The following PIH1D1 variants were observed in gnomAD, a reference collection of about 807,000 sequenced individuals.
PIH1D1 encodes the protein PIH1 domain containing 1.
A neutral mutation model predicts 38.5 loss-of-function variants in PIH1D1; 28 were observed. That is an observed-to-expected ratio of 0.73 (90% CI 0.54 to 1.00). The LOEUF (loss-of-function observed/expected upper bound fraction) is 1.00, where lower values mean the gene tolerates loss of function less well. Among genes scored for constraint, PIH1D1 ranks in the 50% least tolerant of loss-of-function variants. The pLI, the probability that PIH1D1 is intolerant of heterozygous loss-of-function variation, is 0.00. For synonymous variants in PIH1D1, 155 were observed against 153.5 expected (o/e 1.01, Z -0.07); for missense variants, 343 against 369.9 (o/e 0.93, Z 0.60).
Position 49,447,354 on chromosome 19 carries a change from C to CG in PIH1D1, c.594dup (p.Gly199ArgfsTer4). 6.2e-7 allele frequency: 1 copy of CG among 1,613,860 alleles called. No homozygotes were observed. Among genetic ancestry groups the CG allele is most frequent in the Non-Finnish European group, 8.5e-7 (1 of 1,179,964 alleles). On this transcript the variant is annotated frameshift_variant, in exon 6 of 9. Coordinates refer to ENST00000262265, the MANE Select transcript of PIH1D1 (RefSeq NM_017916.3). LOFTEE classifies it high-confidence loss of function. ...AAGGCCCACCCTGACTCAGCTCTCC[C>CG]GGGGGCGGGCGTGTACAGGTCCCCC...
chr19:49,450,682 A>ACCCCCCCCC, intron 2 of PIH1D1, 100 bp downstream of exon 2: 3 of 166,138 alleles, frequency 1.8e-5, no homozygotes, highest in South Asian at 7.6e-5. Context: ...TGCTCACCCC[A>ACCCCCCCCC]CCCCCACCCT....
In PIH1D1 at chr19:49,446,390, G is replaced by A. The variant is rs550355806; in HGVS notation, c.865C>T (p.Pro289Ser). ...LMVAMPLLPV[P>S]S is the part of the protein sequence containing the mutation. ...ACAAGGAGACACCCTGATCAAGAAG[G>A]CACCGGCAGAAGCGGCATGGCCACC... The change falls in exon 9 of 9, where the codon CCT (proline) becomes TCT (serine). Residue 289 changes from proline to serine, a missense_variant. By Grantham distance (74) the Pro-to-Ser change is moderately conservative. Transcript: ENST00000262265. The A allele has an allele frequency of 6.0e-6, 5 of 830,008 alleles. No homozygotes were observed. The highest frequency in any genetic ancestry group is 8.6e-6 in the Non-Finnish European group (4 of 462,944). 51.4% of individuals were successfully genotyped at this position (830,008 alleles called of 1,614,324 possible). A position where few individuals can be genotyped will look rare whatever the true frequency, so the allele number is the denominator to read the frequency against.
Position 49,446,570 on chromosome 19 carries a change from G to A in PIH1D1, c.812C>T (p.Ala271Val), listed in dbSNP as rs761846784. The A allele has an allele frequency of 1.2e-5, 20 of 1,613,928 alleles. No homozygotes were observed. The highest frequency in any genetic ancestry group is 1.7e-5 in the Admixed American group (1 of 60,000). ...AGGCACCTTTCTCTTCCGGTGGAAG[G>A]CTGCCTTGCTCTCATGAGAGTTGAT... ...LQINSHESKA[A>V]FHRKRKQLMV... The change falls in exon 8 of 9, where the codon GCC becomes GTC. Residue 271 changes from alanine (A) to valine (V), a missense_variant. Ala to Val is a moderately conservative substitution (Grantham distance 64, BLOSUM62 0). Transcript: ENST00000262265.
Position 49,451,764 on chromosome 19 carries a change from A to G in PIH1D1, c.-190T>C. ...AACACCATCGTCAAATCCGTGGGGA[A>G]TATGTGTCTCTAGACGCACTACCCT... On this transcript the variant is annotated 5_prime_UTR_variant, in exon 1 of 9. Transcript: ENST00000262265. 15 of 1,409,482 alleles carry G rather than the reference A, an allele frequency of 1.1e-5. No individual in the cohort carries two copies. The highest frequency in any genetic ancestry group is 1.4e-5 in the Non-Finnish European group (15 of 1,081,080). 87.3% of individuals were successfully genotyped at this position (1,409,482 alleles called of 1,614,324 possible).
Position 49,451,722 on chromosome 19 carries a change from A to G in PIH1D1, c.-148T>C, listed in dbSNP as rs1280200222. ...AAACCTAAGACTGGCCTAAGACTAC[A>G]TTTCCATTCAAGACCGAACACCATC... On this transcript the variant is annotated 5_prime_UTR_variant, in exon 1 of 9. The change abolishes an upstream ATG in the 5' untranslated region. Transcript: ENST00000262265. 7.7e-6 allele frequency: 11 copies of G among 1,437,364 alleles called. No individual in the cohort carries two copies. Among genetic ancestry groups the G allele is most frequent in the Non-Finnish European group, 9.1e-6 (10 of 1,096,164 alleles). 89.0% of individuals were successfully genotyped at this position (1,437,364 alleles called of 1,614,324 possible).
intron 5 of PIH1D1, 179 bp downstream of exon 5, chr19:49,447,648 T>A: frequency 1.1e-6 from 1 of 920,042 alleles, no homozygotes; most frequent in South Asian, 1.5e-5. Context: ...TATGCCCCAA[T>A]AAAACCCACC....
In PIH1D1 at chr19:49,449,589, T is replaced by C. The variant is rs1282866163; in HGVS notation, c.223A>G (p.Ile75Val). The change falls in exon 3 of 9, where the codon ATC becomes GTC. Residue 75 changes from isoleucine (I) to valine (V), a missense_variant. Ile to Val is a conservative substitution (Grantham distance 29). Coordinates refer to ENST00000262265, the MANE Select transcript of PIH1D1 (RefSeq NM_017916.3). ...VFINICHSPS[I>V]PPPADVTEEE... ...TCGGTCACGTCGGCGGGAGGAGGGATAGAGGGGGAGTGGCAGATGTTGATG... is the reference window on the plus strand; with the variant it reads ...TCGGTCACGTCGGCGGGAGGAGGGACAGAGGGGGAGTGGCAGATGTTGATG... 1 of 1,613,950 alleles carries C rather than the reference T, an allele frequency of 6.2e-7. No homozygotes were observed. Among genetic ancestry groups the C allele is most frequent in the African/African-American group, 1.3e-5 (1 of 74,888 alleles).
Position 49,447,485 on chromosome 19 carries a change from C to G in PIH1D1, c.482-18G>C. ...GCGCCATTCTGAGGGTCAGGAGCGC[C>G]GTCAAACATCGTACAGGTCAGGGTT... On this transcript the variant is annotated intron_variant, in intron 5 of 8. Coordinates refer to ENST00000262265, the MANE Select transcript of PIH1D1 (RefSeq NM_017916.3). The G allele has an allele frequency of 9.3e-6, 15 of 1,604,762 alleles. No individual in the cohort carries two copies. The highest frequency in any genetic ancestry group is 1.3e-5 in the Non-Finnish European group (15 of 1,179,844).
rs770727315 is a variant in PIH1D1, at chr19:49,449,298, G to A, written c.337+177C>T. 8 of 729,160 alleles carry A rather than the reference G, an allele frequency of 1.1e-5. No homozygotes were observed. The South Asian group carries it at 1.2e-4, about 11-fold the overall frequency. 45.2% of individuals were successfully genotyped at this position (729,160 alleles called of 1,614,324 possible). On this transcript the variant is annotated intron_variant, in intron 3 of 8. Transcript: ENST00000262265. ...CCAGCCTGGCCAGGTGGCAGAACCA[G>A]GACTGCCCGGGTGTGGGATGTCCAG...
chr19:49,448,498 G>A (rs1205336777), intron 3 of PIH1D1: 1 of 234,422 alleles, frequency 4.3e-6, no homozygotes, highest in African/African-American at 2.3e-5. Context: ...TCCCAGCTCT[G>A]GGCCGCTCTA....
chr19:49,448,101 C>A, intron 3 of PIH1D1, 39 bp from the exon 4 acceptor site: 2 of 1,604,494 alleles, frequency 1.2e-6, no homozygotes, highest in Non-Finnish European at 8.5e-7. Flanking sequence ...CCCCAGCCCT[C>A]TGCAGGAAGC....
chr19:49,448,160 T>A, intron 3 of PIH1D1, 98 bp from the exon 4 acceptor site: 1 of 1,227,164 alleles, frequency 8.1e-7, no homozygotes, highest in Non-Finnish European at 1.2e-6. Context: ...ACAGCGGCCG[T>A]AAGAAGCAGA....
At chr19:49,450,681 C>G in intron 2 of PIH1D1, 101 bp downstream of exon 2, 1 of 456,122 alleles carries the variant, frequency 2.2e-6, no homozygotes, top group South Asian at 3.4e-5. Flanking sequence ...CTGCTCACCC[C>G]ACCCCCACCC....
At chr19:49,448,243 CTCT>C in intron 3 of PIH1D1, 181 bp from the exon 4 acceptor site, 1 of 622,932 alleles carries the variant, frequency 1.6e-6, no homozygotes, top group East Asian at 2.8e-5. Flanking sequence ...CCTCCCTGGC[CTCT>C]TATCTCCTGT....
rs751785950 is a variant in PIH1D1 at position 49,447,881 on chromosome 19, T to A, written c.427A>T (p.Ile143Phe). Residue 143 changes from isoleucine to phenylalanine, a missense_variant, in exon 5 of 9, where the codon ATC (isoleucine) becomes TTC (phenylalanine). Ile to Phe is a conservative substitution (Grantham distance 21). Transcript: ENST00000262265. ...QNSDFLRELV[I>F]TIAREGLEDK... ...TCAAGGCCCTCCCTGGCGATGGTGA[T>A]CACGAGCTCCCGCAAGAAATCGCTG... 2 of 1,614,132 alleles carry A rather than the reference T, an allele frequency of 1.2e-6. No individual in the cohort carries two copies. The highest frequency in any genetic ancestry group is 1.1e-5 in the South Asian group (1 of 91,090).
rs2079046420 is a variant in PIH1D1, at chr19:49,449,714, T to C, written c.158-60A>G. 3.5e-6 allele frequency: 5 copies of C among 1,410,200 alleles called. No individual in the cohort carries two copies. The South Asian group carries it at 3.8e-5, about 11-fold the overall frequency. 87.4% of individuals were successfully genotyped at this position (1,410,200 alleles called of 1,614,324 possible). On this transcript the variant is annotated intron_variant, in intron 2 of 8. Transcript: ENST00000262265. The stretch of plus-strand genomic sequence containing the variant: ...CTGCACAAGTCCCAGTCCCCATCCA[T>C]TGTCTCCAGGCTCTGTCTCTTTTCC...
chr19:49,446,485 C>A, intron 8 of PIH1D1, 62 bp from the exon 9 acceptor site: 2 of 1,536,852 alleles, frequency 1.3e-6, no homozygotes, highest in Non-Finnish European at 1.8e-6. Flanking sequence ...CCCAGCCCCC[C>A]TCCCTGGGAG....
At position 49,446,698 on chromosome 19, in the gene PIH1D1, G is replaced by C. The variant is rs2079025448; in HGVS notation, c.688-4C>G. 6.5e-7 allele frequency: 1 copy of C among 1,545,848 alleles called. No homozygotes were observed. The highest frequency in any genetic ancestry group is 1.8e-4 in the Middle Eastern group (1 of 5,694). ...GCGACAGCCCCAGGGCTCCATCCTG[G>C]AGAGGTGGCGGAATCAGGTCACCCT... is the stretch of plus-strand genomic sequence containing the variant. On this transcript the variant is annotated splice_region_variant and splice_polypyrimidine_tract_variant and intron_variant, in intron 7 of 8. Coordinates refer to ENST00000262265, the MANE Select transcript of PIH1D1 (RefSeq NM_017916.3).
intron 8 of PIH1D1, 41 bp from the exon 9 acceptor site, chr19:49,446,464 G>A (rs750114523): frequency 2.9e-6 from 4 of 1,378,454 alleles, no homozygotes; most frequent in Admixed American, 3.3e-5. Context: ...CCAGGACCCA[G>A]AAGTCCAGCT....
Sources: allele counts gnomAD v4.1 joint callset, GRCh38; gene constraint gnomAD v4.1.1; transcripts MANE v1.5; gene names NCBI Gene and HGNC (gene_info 2026-07-23, HGNC 2026-07-21).